Variants in NCSTN observed in about 807,000 individuals in gnomAD.
NCSTN encodes nicastrin.
Under a neutral mutation model 87.0 loss-of-function variants are expected in NCSTN, and 22 were observed. The ratio of observed to expected loss-of-function variants is 0.25; its 90% CI spans 0.18 to 0.36. NCSTN has a LOEUF of 0.36. NCSTN is among the 10% of genes least tolerant of loss of function. The pLI is 1.00. For synonymous variants in NCSTN, 306 were observed against 327.1 expected, an observed-to-expected ratio of 0.94 and a Z score of 0.69; for missense variants, 693 against 883.3, an observed-to-expected ratio of 0.78 and a Z score of 2.73.
chr1:160,348,917 A>T (rs1648674062), intron 2 of NCSTN, 82 bp from the exon 3 acceptor site: 1 of 1,583,552 alleles, frequency 6.3e-7, no homozygotes, highest in South Asian at 1.1e-5. Flanking sequence ...TCTTTAGGGG[A>T]TAAAAGATAC....
Position 160,356,298 on chromosome 1 carries a change from C to T in NCSTN, c.1590C>T (p.Asn530=), listed in dbSNP as rs1233431507. 6.2e-7 allele frequency: 1 copy of T among 1,614,012 alleles called. No individual in the cohort carries two copies. Among genetic ancestry groups the T allele is most frequent in the African/African-American group, 1.3e-5 (1 of 75,068 alleles). Residue 530 remains asparagine (N), a synonymous_variant, in exon 14 of 17, where the codon AAC becomes AAT. Coordinates refer to ENST00000294785, the MANE Select transcript of NCSTN (RefSeq NM_015331.3). Reference sequence around the variant, plus strand: ...TCTATGGGTTCCTGATTAAAGCCAACAACTCATGGTTCCAGTCTATCCTCA... The same window carrying T: ...TCTATGGGTTCCTGATTAAAGCCAATAACTCATGGTTCCAGTCTATCCTCA... ...RLLYGFLIKA[N]NSWFQSILRQ... is the part of the protein sequence containing the mutation.
chr1:160,344,444 CCT>C (rs1648329657), intron 1 of NCSTN: 2 of 1,482,102 alleles, frequency 1.3e-6, no homozygotes, highest in African/African-American at 2.8e-5. Context: ...AGGTCAAACA[CCT>C]TTCCTTTGAC....
intron 11 of NCSTN, 120 bp downstream of exon 11, chr1:160,354,410 CT>C: frequency 9.0e-7 from 1 of 1,108,272 alleles, no homozygotes; most frequent in African/African-American, 1.5e-5. Context: ...TCAGGTCCAT[CT>C]GTATTCTTTG....
rs201488630 is a variant in NCSTN at position 160,352,170 on chromosome 1, C to G, written c.960C>G (p.Thr320=). 116 of 1,614,038 alleles carry G rather than the reference C, an allele frequency of 7.2e-5. No homozygotes were observed. Among genetic ancestry groups the G allele is most frequent in the Non-Finnish European group, 9.7e-5 (115 of 1,180,022 alleles). The change falls in exon 8 of 17, where the codon ACC becomes ACG. Residue 320 remains threonine (T), a synonymous_variant. Coordinates refer to ENST00000294785, the MANE Select transcript of NCSTN (RefSeq NM_015331.3). ...EALQKAPDVT[T]LPRNVMFVFF... is the part of the protein sequence containing the mutation. ...TGCAAAAGGCACCTGATGTGACCACCCTGCCCCGCAATGTCATGTTTGTCT... is the reference window on the plus strand; with the variant it reads ...TGCAAAAGGCACCTGATGTGACCACGCTGCCCCGCAATGTCATGTTTGTCT...
intron 15 of NCSTN, 103 bp from the exon 16 acceptor site, chr1:160,356,938 C>A: frequency 7.3e-7 from 1 of 1,375,226 alleles, no homozygotes; most frequent in Non-Finnish European, 1.0e-6. Flanking sequence ...GGGACAGCAG[C>A]CAGTTAGCTC....
chr1:160,350,424 C>A lies in NCSTN; in HGVS notation c.582+174C>A, dbSNP rs1428561931. Among the ~76,000 whole-genome samples, 4 of 147,686 alleles carry A rather than the reference C, an allele frequency of 2.7e-5. No individual in the cohort carries two copies. The East Asian group carries it at 7.8e-4, about 29-fold the overall frequency. ...CTGAGATGGCACCATTGCACTCCAG[C>A]CTGGGTGACAGAGCAAGGCCCTGTG... On this transcript the variant is annotated intron_variant, in intron 5 of 16. Transcript: ENST00000294785.
At chr1:160,356,144 C>A in intron 13 of NCSTN, 116 bp from the exon 14 acceptor site, 2 of 1,075,188 alleles carry the variant, frequency 1.9e-6, no homozygotes, top group Non-Finnish European at 2.8e-6. Flanking sequence ...TGTCTCCCAA[C>A]TCCAGTCTAT....
rs183818461 is a variant in NCSTN at position 160,357,508 on chromosome 1, A to G, written c.2007+255A>G. On this transcript the variant is annotated intron_variant, in intron 16 of 16. Transcript: ENST00000294785. ...CAACCTCCGTCCCTTGGGTTTAAGC[A>G]GTTCTCCTGCCTCAGCCTTTCGAGT... Among the ~76,000 whole-genome samples, 149 of 152,274 alleles carry G rather than the reference A, an allele frequency of 9.8e-4. 1 individual carries two copies. The highest frequency in any genetic ancestry group is 4.1e-4 in the South Asian group (2 of 4,822).
At chr1:160,343,920 C>A in intron 1 of NCSTN, 2 of 295,036 alleles carry the variant, frequency 6.8e-6, no homozygotes, top group Non-Finnish European at 1.4e-5. Context: ...CTGTTGATTA[C>A]ATCCTAAGTC....
chr1:160,350,782 A>G (rs752357328), intron 5 of NCSTN, among the ~76,000 whole-genome samples: 4 of 152,136 alleles, frequency 2.6e-5, no homozygotes, highest in Non-Finnish European at 5.9e-5. Flanking sequence ...TTTTAGCTCT[A>G]ATATGCCTTA....
intron 7 of NCSTN, 28 bp from the exon 8 acceptor site, chr1:160,352,026 C>T (rs766364792): frequency 6.2e-7 from 1 of 1,613,058 alleles, no homozygotes; most frequent in Non-Finnish European, 8.5e-7. Flanking sequence ...AAGTATATAT[C>T]CCCTGACTTT....
intron 8 of NCSTN, among the ~76,000 whole-genome samples, chr1:160,352,459 A>G (rs1648907326): frequency 6.6e-6 from 1 of 152,084 alleles, no homozygotes; most frequent in African/African-American, 2.4e-5. Context: ...GATAAGATAT[A>G]TTGGAGGCGG....
intron 11 of NCSTN, among the ~76,000 whole-genome samples, chr1:160,354,825 C>T (rs1345623688): frequency 6.6e-6 from 1 of 151,714 alleles, no homozygotes; most frequent in African/African-American, 2.4e-5. Flanking sequence ...TACCCTTTAA[C>T]TGCTCCTAAC....
intron 16 of NCSTN, among the ~76,000 whole-genome samples, chr1:160,357,877 C>T (rs934820100): frequency 2.6e-5 from 4 of 152,138 alleles, no homozygotes; most frequent in African/African-American, 7.2e-5. Context: ...ATGTAAGTGC[C>T]GCAAGGGAAC....
chr1:160,345,951 A>AAG (rs1471761490), intron 2 of NCSTN, among the ~76,000 whole-genome samples: 2 of 151,600 alleles, frequency 1.3e-5, no homozygotes, highest in Non-Finnish European at 2.9e-5. Context: ...AAAAAAAAAA[A>AAG]AAAAAAAAAA....
At chr1:160,349,219 C>G (rs1648696758) in intron 3 of NCSTN, 97 bp downstream of exon 3, 1 of 1,523,334 alleles carries the variant, frequency 6.6e-7, no homozygotes, top group Non-Finnish European at 9.0e-7. Flanking sequence ...CTTGGCTGCC[C>G]TGGTCTGGTC....
intron 8 of NCSTN, 66 bp downstream of exon 8, chr1:160,352,272 A>G: frequency 6.2e-7 from 1 of 1,603,068 alleles, no homozygotes; most frequent in East Asian, 2.2e-5. Flanking sequence ...GAGAGTGGCT[A>G]CTGGTTGGAG....
rs963982904 is a variant in NCSTN at position 160,355,681 on chromosome 1, C to T, written c.1379C>T (p.Ala460Val). The change falls in exon 12 of 17, where the codon GCT becomes GTT. Residue 460 changes from alanine to valine, a missense_variant. Coordinates refer to ENST00000294785, the MANE Select transcript of NCSTN (RefSeq NM_015331.3). ...TATTACCAGAGTATTTACGACACTG[C>T]TGAGAACATTAATGTGAGCTATCCC... ...NKYYQSIYDT[A>V]ENINVSYPEW... is the part of the protein sequence containing the mutation. The T allele has an allele frequency of 6.2e-6, 10 of 1,614,112 alleles. No individual in the cohort carries two copies. The highest frequency in any genetic ancestry group is 8.5e-6 in the Non-Finnish European group (10 of 1,179,946).
Position 160,357,108 on chromosome 1 carries a change from T to C in NCSTN, c.1862T>C (p.Val621Ala). ...GAGACGGACCGACTCCCCCGGTGTG[T>C]GCGTTCTACTGCACGATTAGCCAGG... ...SNETDRLPRC[V>A]RSTARLARAL... Residue 621 changes from valine to alanine, a missense_variant, in exon 16 of 17, where the codon GTG (valine) becomes GCG (alanine). Val to Ala is a moderately conservative substitution (Grantham distance 64). Coordinates refer to ENST00000294785, the MANE Select transcript of NCSTN (RefSeq NM_015331.3). The C allele has an allele frequency of 2.5e-6, 4 of 1,614,132 alleles. No individual in the cohort carries two copies. The highest frequency in any genetic ancestry group is 3.4e-6 in the Non-Finnish European group (4 of 1,180,026).
Sources: allele counts gnomAD v4.1 joint callset (sites outside exome capture counted in the v4.1 genomes callset), GRCh38; gene constraint gnomAD v4.1.1; transcripts MANE v1.5; gene names NCBI Gene and HGNC (gene_info 2026-07-23, HGNC 2026-07-21).